CACNA2D2: variants seen among roughly 807,000 people sequenced by gnomAD.
The protein encoded by CACNA2D2 is voltage-dependent calcium channel subunit alpha-2/delta-2.
In CACNA2D2, 48 loss-of-function variants were observed where a neutral mutation model predicts 166.4. The observed-to-expected ratio is 0.29, with a 90% CI of 0.23 to 0.37. The LOEUF (loss-of-function observed/expected upper bound fraction) is 0.37, where lower values mean the gene tolerates loss of function less well. Ranked by LOEUF, CACNA2D2 falls within the 10% of genes least tolerant of loss-of-function variation. CACNA2D2 has a pLI of 1.00. For missense variants in CACNA2D2, 1,122 were observed against 1,433.0 expected (o/e 0.78, Z 3.50); for synonymous variants, 561 against 573.7 (o/e 0.98, Z 0.32).
chr3:50,502,074 T>A (rs1239731073), intron 1 of CACNA2D2, among the ~76,000 whole-genome samples: 1 of 152,196 alleles, frequency 6.6e-6, no homozygotes, highest in Non-Finnish European at 1.5e-5. Flanking sequence ...GCCTACGAAC[T>A]GGAGTCGGCA....
intron 2 of CACNA2D2, among the ~76,000 whole-genome samples, chr3:50,454,309 G>C (rs1485982175): frequency 6.6e-6 from 1 of 152,234 alleles, no homozygotes; most frequent in Non-Finnish European, 1.5e-5. Context: ...GGCACCCGCT[G>C]TGTACGCAGA....
intron 3 of CACNA2D2, among the ~76,000 whole-genome samples, chr3:50,397,024 TC>T (rs1282937612): frequency 6.6e-6 from 1 of 152,162 alleles, no homozygotes; most frequent in Non-Finnish European, 1.5e-5. Flanking sequence ...TCCAGCTCCT[TC>T]ACCCTCTTAG....
In CACNA2D2 at chr3:50,367,837, C is replaced by T; in HGVS notation, c.2209G>A (p.Val737Met). The T allele has an allele frequency of 6.2e-7, 1 of 1,613,556 alleles. No individual in the cohort carries two copies. The stretch of plus-strand genomic sequence containing the variant: ...GTGTTGAGATCCTGGTCCCTCCACA[C>T]ACGCTCTACCAGCTGCTGCGTGATG... ...TGITQQLVER[V>M]WRDQDLNTYS... The change falls in exon 25 of 38, where the codon GTG (valine) becomes ATG (methionine). Residue 737 changes from valine to methionine, a missense_variant. Physicochemically the swap from Val to Met is conservative, Grantham distance 21. Around this residue, in one of 2 missense-constraint regions of CACNA2D2, gnomAD observed 840 missense variants for 1,166.8 expected, o/e 0.72. Transcript: ENST00000424201. This position sits in a 1 kb window ranked among gnomAD's most constrained non-coding sequence, Gnocchi z 6.5.
intron 3 of CACNA2D2, among the ~76,000 whole-genome samples, chr3:50,416,688 C>T (rs1296769895): frequency 1.3e-5 from 2 of 152,242 alleles, no homozygotes; most frequent in African/African-American, 4.8e-5. Context: ...TGGGTCCCGG[C>T]TGGAGCCGCG....
In CACNA2D2 at chr3:50,427,730, C is replaced by T. The variant is rs1448513634; in HGVS notation, c.405+6583G>A. ...TGGAGTCAGATCCCAGAGGCTGAGC[C>T]CCAGCCACAACCCAGAGCCACAGCG... is the stretch of plus-strand genomic sequence containing the variant. On this transcript the variant is annotated intron_variant, in intron 3 of 37. Coordinates refer to ENST00000424201, the MANE Select transcript of CACNA2D2 (RefSeq NM_006030.4). This position sits in a 1 kb window ranked among gnomAD's most constrained non-coding sequence, Gnocchi z 4.7. Among the ~76,000 whole-genome samples, 1 of 152,222 alleles carries T rather than the reference C, an allele frequency of 6.6e-6. No homozygotes were observed. Among genetic ancestry groups the T allele is most frequent in the African/African-American group, 2.4e-5 (1 of 41,452 alleles).
intron 3 of CACNA2D2, among the ~76,000 whole-genome samples, chr3:50,421,346 G>C (rs1305451769): frequency 6.6e-6 from 1 of 152,162 alleles, no homozygotes; most frequent in African/African-American, 2.4e-5. Flanking sequence ...GGCAGGGAAA[G>C]GTCAGGGTCA....
At chr3:50,422,612 T>C (rs1707626835) in intron 3 of CACNA2D2, among the ~76,000 whole-genome samples, 1 of 152,244 alleles carries the variant, frequency 6.6e-6, no homozygotes, top group Non-Finnish European at 1.5e-5. Flanking sequence ...ACAGGCGATC[T>C]GCATGCTGAC....
Position 50,374,721 on chromosome 3 carries a change from GGGCC to G in CACNA2D2, c.1984+12_1984+15del. The G allele has an allele frequency of 7.0e-6, 11 of 1,582,232 alleles. No homozygotes were observed. The highest frequency in any genetic ancestry group is 8.6e-6 in the Non-Finnish European group (10 of 1,164,506). ...GAGGCAGGGTGCAGGGCGCAGGCAG[GGGCC>G]GGGCCACTTACACTTGACCTGCAGG... On this transcript the variant is annotated intron_variant, in intron 22 of 37. Transcript: ENST00000424201.
At chr3:50,444,766 G>C (rs1708764303) in intron 2 of CACNA2D2, among the ~76,000 whole-genome samples, 1 of 152,200 alleles carries the variant, frequency 6.6e-6, no homozygotes, top group South Asian at 2.1e-4. Context: ...GGCAGGTGTG[G>C]GAGATAAGGG....
chr3:50,465,893 T>C (rs1709807283), intron 2 of CACNA2D2, among the ~76,000 whole-genome samples: 1 of 152,092 alleles, frequency 6.6e-6, no homozygotes, highest in South Asian at 2.1e-4. Context: ...AAGGTAACTC[T>C]TCAGTGGATC....
chr3:50,379,399 C>T lies in CACNA2D2; in HGVS notation c.1152+33G>A. ...CACCAAGCCAGGGCCCTCTACTCCC[C>T]CAGCCGCCCACTTGCCCACCCATGG... On this transcript the variant is annotated intron_variant, in intron 11 of 37. Coordinates refer to ENST00000424201, the MANE Select transcript of CACNA2D2 (RefSeq NM_006030.4). This position sits in a 1 kb window ranked among gnomAD's most constrained non-coding sequence, Gnocchi z 6.5. 8.7e-6 allele frequency: 14 copies of T among 1,608,286 alleles called. No homozygotes were observed. Among genetic ancestry groups the T allele is most frequent in the Non-Finnish European group, 1.2e-5 (14 of 1,176,406 alleles).
At chr3:50,447,374 G>A (rs574329365) in intron 2 of CACNA2D2, among the ~76,000 whole-genome samples, 15 of 152,288 alleles carry the variant, frequency 9.8e-5, no homozygotes, top group African/African-American at 3.4e-4. Context: ...ATCGTCTGTC[G>A]GCAACCTCCA....
chr3:50,373,761 A>AGGGAGGGAGGTTGGATGCAGAG (rs1704791744), intron 22 of CACNA2D2, among the ~76,000 whole-genome samples: 1 of 133,268 alleles, frequency 7.5e-6, no homozygotes, highest in African/African-American at 2.9e-5. Context: ...ACAGTGCGTA[A>AGGGAGGGAGGTTGGATGCAGAG]GGGAGGGAGG....
At position 50,363,086 on chromosome 3, in the gene CACNA2D2, TTGTC is replaced by T. The variant is rs1704019534; in HGVS notation, c.*1576_*1579del. 5.0e-6 allele frequency: 2 copies of T among 398,620 alleles called. No individual in the cohort carries two copies. Among genetic ancestry groups the T allele is most frequent in the Non-Finnish European group, 8.8e-6 (2 of 226,020 alleles). 24.7% of individuals were successfully genotyped at this position (398,620 alleles called of 1,614,324 possible). A position where few individuals can be genotyped will look rare whatever the true frequency, so the allele number is the denominator to read the frequency against. ...AGACAGCTACCTGATGGGGATTGTT[TTGTC>T]TGTTTTTCTGTTTTTTAAACTTAAA... On this transcript the variant is annotated 3_prime_UTR_variant, in exon 38 of 38. Coordinates refer to ENST00000424201, the MANE Select transcript of CACNA2D2 (RefSeq NM_006030.4).
At chr3:50,374,344 A>G (rs1240116253) in intron 22 of CACNA2D2, among the ~76,000 whole-genome samples, 11 of 59,886 alleles carry the variant, frequency 1.8e-4, no homozygotes, top group Non-Finnish European at 3.5e-4. Context: ...TAGGGGGAGG[A>G]GGAGGGGGAA....
intron 4 of CACNA2D2, among the ~76,000 whole-genome samples, chr3:50,391,442 CTCT>C (rs1471059776): frequency 6.6e-6 from 1 of 152,248 alleles, no homozygotes; most frequent in Non-Finnish European, 1.5e-5. Context: ...CAGGTGGCCC[CTCT>C]TCATCTATCC....
chr3:50,431,997 AAAAC>A (rs1708089637), intron 3 of CACNA2D2, among the ~76,000 whole-genome samples: 1 of 146,976 alleles, frequency 6.8e-6, no homozygotes, highest in Non-Finnish European at 1.5e-5. Flanking sequence ...AAAAAAAAAA[AAAAC>A]AAAGAAAGAA....
Position 50,364,119 on chromosome 3 carries a change from T to C in CACNA2D2, c.*547A>G. ...GTATCACTGTGACTATCCTGACACCTGGTGGGCTTGGGGATGTGGCTGTAG... is the reference window on the plus strand; with the variant it reads ...GTATCACTGTGACTATCCTGACACCCGGTGGGCTTGGGGATGTGGCTGTAG... On this transcript the variant is annotated 3_prime_UTR_variant, in exon 38 of 38. Transcript: ENST00000424201. The C allele has an allele frequency of 6.4e-6, 1 of 157,118 alleles. No individual in the cohort carries two copies. The highest frequency in any genetic ancestry group is 1.4e-5 in the Non-Finnish European group (1 of 71,318). 9.7% of individuals were successfully genotyped at this position (157,118 alleles called of 1,614,324 possible).
chr3:50,454,575 C>T (rs904813793), intron 2 of CACNA2D2, among the ~76,000 whole-genome samples: 3 of 152,258 alleles, frequency 2.0e-5, no homozygotes, highest in African/African-American at 7.2e-5. Flanking sequence ...TACAGATTTC[C>T]ACTTCGAGGC....
Sources: allele counts gnomAD v4.1 joint callset (sites outside exome capture counted in the v4.1 genomes callset), GRCh38; gene constraint gnomAD v4.1.1; regional missense constraint gnomAD v4.1.1; non-coding constraint Gnocchi (gnomAD v3.1); transcripts MANE v1.5; gene names NCBI Gene and HGNC (gene_info 2026-07-23, HGNC 2026-07-21).